Variants in PYGB observed in about 807,000 individuals in gnomAD.
PYGB encodes the protein glycogen phosphorylase, brain form.
In PYGB, 82 loss-of-function variants were observed where a neutral mutation model predicts 94.3. The observed-to-expected ratio is 0.87, with a 90% CI of 0.73 to 1.04. The LOEUF is 1.04. PYGB is among the 50% of genes least tolerant of loss of function. The probability of loss-of-function intolerance (pLI) is 0.00; values close to 1 mark genes in which losing one functional copy is unlikely to be tolerated. For synonymous variants in PYGB, 488 were observed against 479.1 expected, an observed-to-expected ratio of 1.02 and a Z score of -0.24; for missense variants, 1,132 against 1,158.2, an observed-to-expected ratio of 0.98 and a Z score of 0.33.
Position 25,294,227 on chromosome 20 carries a change from C to CT in PYGB, c.2254dup (p.Ser752PhefsTer19). On this transcript the variant is annotated frameshift_variant, in exon 18 of 20. Transcript: ENST00000216962. LOFTEE classifies it high-confidence loss of function. ...AGGCCGTGGACCAGATCAGCAGTGG[C>CT]TTTTTTTCTCCCAAGGAGCCAGACT... The CT allele has an allele frequency of 6.5e-7, 1 of 1,534,348 alleles. No individual in the cohort carries two copies. The highest frequency in any genetic ancestry group is 1.1e-5 in the South Asian group (1 of 90,072).
chr20:25,256,400 T>C (rs116672236), intron 1 of PYGB, among the ~76,000 whole-genome samples: 9,820 of 148,080 alleles, frequency 0.066, 988 homozygotes, highest in African/African-American at 0.22. Flanking sequence ...AAAAAAAAAG[T>C]GGAGGGCCTG....
rs371732341 is a variant in PYGB at position 25,274,263 on chromosome 20, T to C, written c.529-329T>C. 5.4e-4 allele frequency among the ~76,000 whole-genome samples: 82 copies of C among 152,360 alleles called. 3 individuals are homozygous for C. The South Asian group carries it at 0.017, about 31-fold the overall frequency. On this transcript the variant is annotated intron_variant, in intron 4 of 19. Transcript: ENST00000216962. Reference sequence around the variant, plus strand: ...TTTTCCTGTAAATAGCCTCGTGTGATGCGTGGTATTTTTGTCTGTCCTCTT... The same window carrying C: ...TTTTCCTGTAAATAGCCTCGTGTGACGCGTGGTATTTTTGTCTGTCCTCTT...
rs1235694309 is a variant in PYGB at position 25,288,560 on chromosome 20, T to C, written c.1827+77T>C. Reference sequence around the variant, plus strand: ...GGGTGGGCAGCCTGCACGCTTCTCATGGTGCCACCACATCCATACTCGGGA... The same window carrying C: ...GGGTGGGCAGCCTGCACGCTTCTCACGGTGCCACCACATCCATACTCGGGA... On this transcript the variant is annotated intron_variant, in intron 15 of 19. Transcript: ENST00000216962. The C allele has an allele frequency of 2.0e-6, 3 of 1,498,138 alleles. No homozygotes were observed. In the East Asian group the frequency reaches 6.8e-5, roughly 34 times the overall value. The allele number at this position is 1,498,138 out of a possible 1,614,324, so 92.8% of individuals were successfully genotyped here. A position where few individuals can be genotyped will look rare whatever the true frequency, so the allele number is the denominator to read the frequency against.
At position 25,294,321 on chromosome 20, in the gene PYGB, TGGGAGGGAGGGAGGGA is replaced by T; in HGVS notation, c.2312+37_2312+52del. 9 of 358,210 alleles carry T rather than the reference TGGGAGGGAGGGAGGGA, an allele frequency of 2.5e-5. 1 individual carries two copies. Among genetic ancestry groups the T allele is most frequent in the Non-Finnish European group, 4.7e-5 (9 of 190,358 alleles). The allele number at this position is 358,210 out of a possible 1,614,324, so 22.2% of individuals were successfully genotyped here. Reference sequence around the variant, plus strand: ...GGACCGACTTCCCTGGTTGGGTGGCTGGGAGGGAGGGAGGGAGGGAGGGGTCCTCTTCGTGGGTTGG... The same window carrying T: ...GGACCGACTTCCCTGGTTGGGTGGCTGGGAGGGGTCCTCTTCGTGGGTTGG... On this transcript the variant is annotated intron_variant, in intron 18 of 19. Transcript: ENST00000216962.
At chr20:25,280,833 C>G in intron 10 of PYGB, 116 bp from the exon 11 acceptor site, 4 of 1,368,040 alleles carry the variant, frequency 2.9e-6, no homozygotes, top group Non-Finnish European at 4.0e-6. Context: ...CAGAACTTCC[C>G]TGGAGGCAGC....
chr20:25,275,165 G>A (rs1181967147), intron 5 of PYGB, among the ~76,000 whole-genome samples: 1 of 152,268 alleles, frequency 6.6e-6, no homozygotes, highest in Non-Finnish European at 1.5e-5. Flanking sequence ...GGCGCCATAC[G>A]TGGCCCATGG....
chr20:25,284,310 GC>G, intron 14 of PYGB, 59 bp downstream of exon 14: 1 of 1,577,694 alleles, frequency 6.3e-7, no homozygotes, highest in African/African-American at 1.3e-5. Context: ...GCCCTTGCCC[GC>G]CAGCTGTGCA....
chr20:25,274,448 G>C, intron 4 of PYGB, 144 bp from the exon 5 acceptor site: 1 of 1,197,580 alleles, frequency 8.4e-7, no homozygotes. Context: ...CCAGAAGTGG[G>C]AATCCCGACC....
chr20:25,291,787 C>T (rs377218890), intron 16 of PYGB, among the ~76,000 whole-genome samples: 3 of 152,138 alleles, frequency 2.0e-5, no homozygotes, highest in Non-Finnish European at 2.9e-5. Flanking sequence ...CCGTTCTCCC[C>T]GGCAGTGTTG....
chr20:25,293,434 G>GT (rs11480711), intron 17 of PYGB, among the ~76,000 whole-genome samples: 152,319 of 152,324 alleles, frequency 1, 76,157 homozygotes, highest in Middle Eastern at 1. Flanking sequence ...TGATCTGGAC[G>GT]TCATGAGGAA....
At position 25,282,158 on chromosome 20, in the gene PYGB, G is replaced by T; in HGVS notation, c.1518+11G>T. The T allele has an allele frequency of 6.3e-7, 1 of 1,596,202 alleles. No homozygotes were observed. The highest frequency in any genetic ancestry group is 1.1e-5 in the South Asian group (1 of 90,286). ...GATACCATCGTGGAGGTGAGTCCCGGGCCCCACCCGTGCCTGTGGAGATGC... is the reference window on the plus strand; with the variant it reads ...GATACCATCGTGGAGGTGAGTCCCGTGCCCCACCCGTGCCTGTGGAGATGC... On this transcript the variant is annotated intron_variant, in intron 12 of 19. Transcript: ENST00000216962.
At chr20:25,284,017 C>T in intron 13 of PYGB, 87 bp from the exon 14 acceptor site, 2 of 1,527,690 alleles carry the variant, frequency 1.3e-6, no homozygotes, top group Non-Finnish European at 1.8e-6. Context: ...CGGCACTCTT[C>T]ACAGGGCACT....
intron 5 of PYGB, among the ~76,000 whole-genome samples, chr20:25,276,268 G>A (rs1474635375): frequency 6.6e-6 from 1 of 152,178 alleles, no homozygotes; most frequent in Non-Finnish European, 1.5e-5. Flanking sequence ...AGAGTTGACT[G>A]AGGAGGGGAG....
intron 1 of PYGB, among the ~76,000 whole-genome samples, chr20:25,258,549 A>T (rs1002877803): frequency 6.6e-6 from 1 of 152,190 alleles, no homozygotes; most frequent in African/African-American, 2.4e-5. Flanking sequence ...AGGCCCGTGG[A>T]TGGCCATGAG....
At chr20:25,255,736 CTTTT>C (rs777407638) in intron 1 of PYGB, among the ~76,000 whole-genome samples, 4 of 145,156 alleles carry the variant, frequency 2.8e-5, no homozygotes, top group African/African-American at 1.0e-4. Context: ...CCGCCCAACT[CTTTT>C]TTTTTTTTTT....
intron 1 of PYGB, among the ~76,000 whole-genome samples, chr20:25,250,570 T>A (rs919788931): frequency 1.3e-5 from 2 of 152,210 alleles, no homozygotes; most frequent in African/African-American, 4.8e-5. Context: ...TAATTCATGA[T>A]GAAAATAAGC....
At chr20:25,283,427 C>T in intron 13 of PYGB, 150 bp downstream of exon 13, 1 of 681,616 alleles carries the variant, frequency 1.5e-6, no homozygotes, top group East Asian at 2.8e-5. Context: ...GAGGGTGAGG[C>T]TGTTAGGGTT....
In PYGB at chr20:25,257,037, G is replaced by A. The variant is rs8115188; in HGVS notation, c.244-2200G>A. Among the ~76,000 whole-genome samples, 1,008 of 152,290 alleles carry A rather than the reference G, an allele frequency of 6.6e-3. 15 individuals carry two copies. The highest frequency in any genetic ancestry group is 0.023 in the African/African-American group (967 of 41,562). ...CTGAGTGACTTGCCCAGGTCACCCAGCTAGCCAGGGCAGGGAGCTGGGATG... is the reference window on the plus strand; with the variant it reads ...CTGAGTGACTTGCCCAGGTCACCCAACTAGCCAGGGCAGGGAGCTGGGATG... On this transcript the variant is annotated intron_variant, in intron 1 of 19. Coordinates refer to ENST00000216962, the MANE Select transcript of PYGB (RefSeq NM_002862.4).
At chr20:25,279,759 A>AT (rs556402619) in intron 9 of PYGB, among the ~76,000 whole-genome samples, 5 of 151,798 alleles carry the variant, frequency 3.3e-5, no homozygotes, top group East Asian at 3.9e-4. Context: ...CCATAAAACG[A>AT]TTTTTTTTAA....
Sources: allele counts gnomAD v4.1 joint callset (sites outside exome capture counted in the v4.1 genomes callset), GRCh38; gene constraint gnomAD v4.1.1; transcripts MANE v1.5; gene names NCBI Gene and HGNC (gene_info 2026-07-23, HGNC 2026-07-21).